CAMTA1: variants seen among roughly 807,000 people sequenced by gnomAD.
CAMTA1 encodes the protein calmodulin-binding transcription activator 1.
In CAMTA1, 27 loss-of-function variants were observed where a neutral mutation model predicts 170.9. The ratio of observed to expected loss-of-function variants is 0.16; its 90% confidence interval spans 0.12 to 0.22. The LOEUF (loss-of-function observed/expected upper bound fraction) is 0.22, where lower values mean the gene tolerates loss of function less well. Among genes scored for constraint, CAMTA1 ranks in the 10% least tolerant of loss-of-function variants. The probability of loss-of-function intolerance (pLI) is 1.00; values close to 1 mark genes in which losing one functional copy is unlikely to be tolerated. For missense variants in CAMTA1, 1,619 were observed against 2,217.2 expected, an observed-to-expected ratio of 0.73 and a Z score of 5.42; for synonymous variants, 833 against 891.5, an observed-to-expected ratio of 0.93 and a Z score of 1.17.
chr1:7,037,965 G>A (rs942636524), intron 3 of CAMTA1, among the ~76,000 whole-genome samples: 2 of 150,360 alleles, frequency 1.3e-5, no homozygotes, highest in African/African-American at 2.4e-5. Context: ...AAAATTACTG[G>A]CTTCGGAGTG....
chr1:7,006,778 C>T (rs1303720322), intron 3 of CAMTA1, among the ~76,000 whole-genome samples: 1 of 152,128 alleles, frequency 6.6e-6, no homozygotes. Flanking sequence ...TCCATCTGAG[C>T]CCTAAGCTTC....
intron 4 of CAMTA1, among the ~76,000 whole-genome samples, chr1:7,232,368 C>T (rs1417271782): frequency 6.6e-6 from 1 of 152,220 alleles, no homozygotes; most frequent in Admixed American, 6.5e-5. Flanking sequence ...TCCCAGTTGT[C>T]CTGTTTGCTT....
intron 11 of CAMTA1, among the ~76,000 whole-genome samples, chr1:7,686,550 G>T (rs896115460): frequency 2.0e-5 from 3 of 152,116 alleles, no homozygotes; most frequent in Non-Finnish European, 4.4e-5. Context: ...GGGTTCAGCA[G>T]AGGCCACATG....
At chr1:7,161,968 C>T (rs1022393363) in intron 4 of CAMTA1, among the ~76,000 whole-genome samples, 7 of 152,074 alleles carry the variant, frequency 4.6e-5, no homozygotes, top group South Asian at 2.1e-4. Flanking sequence ...GTGTCGGCAA[C>T]GTCAGATCCT....
chr1:7,564,678 G>A (rs773442259), intron 6 of CAMTA1, among the ~76,000 whole-genome samples: 14 of 152,188 alleles, frequency 9.2e-5, no homozygotes, highest in South Asian at 2.1e-4. Context: ...CATGGTTGTC[G>A]TCCAGGAAGC....
intron 4 of CAMTA1, among the ~76,000 whole-genome samples, chr1:7,109,936 A>T (rs1300463900): frequency 6.6e-6 from 1 of 152,204 alleles, no homozygotes; most frequent in Non-Finnish European, 1.5e-5. Flanking sequence ...TTAGCCCCAC[A>T]TCTTCTGTTT....
intron 6 of CAMTA1, among the ~76,000 whole-genome samples, chr1:7,487,845 C>A (rs887158228): frequency 2.0e-5 from 3 of 152,186 alleles, no homozygotes; most frequent in East Asian, 3.9e-4. Context: ...TCCCCTCTGT[C>A]CAGGTTCTTT....
At chr1:7,667,772 A>C (rs2096014298) in intron 9 of CAMTA1, among the ~76,000 whole-genome samples, 1 of 151,736 alleles carries the variant, frequency 6.6e-6, no homozygotes, top group East Asian at 1.9e-4. Flanking sequence ...AGCCCAGCAG[A>C]GGGAGCGGCC....
intron 3 of CAMTA1, among the ~76,000 whole-genome samples, chr1:6,978,734 C>T (rs1693917283): frequency 6.6e-6 from 1 of 151,636 alleles, no homozygotes. Context: ...AAATTAAAGT[C>T]AGTAATAATG....
intron 5 of CAMTA1, among the ~76,000 whole-genome samples, chr1:7,277,456 G>GGGGT (rs1553119338): frequency 3.0e-5 from 4 of 135,324 alleles, no homozygotes; most frequent in Admixed American, 7.3e-5. Context: ...TCCAAGCAAT[G>GGGGT]GTGTGTGTGT....
chr1:7,426,406 C>T lies in CAMTA1; in HGVS notation c.439-41424C>T, dbSNP rs1424319846. Reference sequence around the variant, plus strand: ...TAGGACCAGCGGTAGTGATCTCCCCCAAAAAACTGCCTACCTGGGTTTCCA... The same window carrying T: ...TAGGACCAGCGGTAGTGATCTCCCCTAAAAAACTGCCTACCTGGGTTTCCA... On this transcript the variant is annotated intron_variant, in intron 5 of 22. Coordinates refer to ENST00000303635, the MANE Select transcript of CAMTA1 (RefSeq NM_015215.4). The surrounding 1 kb of genome is among the most constrained non-coding windows in gnomAD (Gnocchi z 4.8). Among the ~76,000 whole-genome samples the T allele has an allele frequency of 6.6e-6, 1 of 152,166 alleles. No individual in the cohort carries two copies. The highest frequency in any genetic ancestry group is 1.5e-5 in the Non-Finnish European group (1 of 68,036).
At chr1:7,191,001 G>C (rs59633680) in intron 4 of CAMTA1, among the ~76,000 whole-genome samples, 9,625 of 152,214 alleles carry the variant, frequency 0.063, 1,015 homozygotes, top group African/African-American at 0.21. Context: ...TTAGAACATG[G>C]ATTTTAACTT....
chr1:7,440,894 C>A (rs1247292369), intron 5 of CAMTA1, among the ~76,000 whole-genome samples: 1 of 152,216 alleles, frequency 6.6e-6, no homozygotes, highest in Non-Finnish European at 1.5e-5. Flanking sequence ...CACATTATAG[C>A]TGCTCAGTGC....
intron 5 of CAMTA1, among the ~76,000 whole-genome samples, chr1:7,307,593 T>G (rs1485274074): frequency 1.3e-5 from 2 of 152,064 alleles, no homozygotes; most frequent in Non-Finnish European, 2.9e-5. Flanking sequence ...TAGATGCCCT[T>G]CATCTGGTTG....
At chr1:7,536,007 A>G (rs1402834158) in intron 6 of CAMTA1, among the ~76,000 whole-genome samples, 1 of 152,222 alleles carries the variant, frequency 6.6e-6, no homozygotes, top group Non-Finnish European at 1.5e-5. Context: ...GTTCCACCTG[A>G]TGCTAATAAC....
intron 3 of CAMTA1, among the ~76,000 whole-genome samples, chr1:6,989,316 T>G (rs1443230533): frequency 6.6e-6 from 1 of 152,214 alleles, no homozygotes; most frequent in East Asian, 1.9e-4. Context: ...AGAATTTAGA[T>G]TAATAACATT....
chr1:7,541,843 C>T (rs2094615053), intron 6 of CAMTA1, among the ~76,000 whole-genome samples: 1 of 151,194 alleles, frequency 6.6e-6, no homozygotes, highest in South Asian at 2.1e-4. Context: ...TGGAAGGGCT[C>T]AGAATGCGCT....
intron 1 of CAMTA1, among the ~76,000 whole-genome samples, chr1:6,817,799 A>C (rs1222468442): frequency 6.6e-6 from 1 of 152,194 alleles, no homozygotes; most frequent in Non-Finnish European, 1.5e-5. Flanking sequence ...TGCCTAGCTC[A>C]GTATACTACT....
Position 7,007,711 on chromosome 1 carries a change from G to T in CAMTA1, c.235-83593G>T, listed in dbSNP as rs1222855026. 6.6e-6 allele frequency among the ~76,000 whole-genome samples: 1 copy of T among 152,146 alleles called. No individual in the cohort carries two copies. The highest frequency in any genetic ancestry group is 1.5e-5 in the Non-Finnish European group (1 of 68,028). ...TGAAAGGACCCCCTGTGGGGCTCCC[G>T]GGGCGTCGCTTCTGCCTCTTCCAGT... On this transcript the variant is annotated intron_variant, in intron 3 of 22. Transcript: ENST00000303635. The surrounding 1 kb of genome is among the most constrained non-coding windows in gnomAD (Gnocchi z 4.5).
Sources: allele counts gnomAD v4.1 joint callset (sites outside exome capture counted in the v4.1 genomes callset), GRCh38; gene constraint gnomAD v4.1.1; non-coding constraint Gnocchi (gnomAD v3.1); transcripts MANE v1.5; gene names NCBI Gene and HGNC (gene_info 2026-07-23, HGNC 2026-07-21).